The following ATP8B4 variants were observed in gnomAD, a reference collection of about 807,000 sequenced individuals.
ATP8B4 encodes the protein ATPase phospholipid transporting 8B4 (putative).
A neutral mutation model predicts 145.6 loss-of-function variants in ATP8B4; 133 were observed. The ratio of observed to expected loss-of-function variants is 0.91; its 90% CI spans 0.79 to 1.05. ATP8B4 has a LOEUF of 1.05. Among genes scored for constraint, ATP8B4 ranks in the 50% least tolerant of loss-of-function variants. The pLI is 0.00. For missense variants in ATP8B4, 1,458 were observed against 1,425.2 expected (o/e 1.02, Z -0.37); for synonymous variants, 507 against 492.9 (o/e 1.03, Z -0.38).
At chr15:50,053,727 G>A (rs1228869915) in intron 3 of ATP8B4, among the ~76,000 whole-genome samples, 1 of 152,054 alleles carries the variant, frequency 6.6e-6, no homozygotes, top group Non-Finnish European at 1.5e-5. Flanking sequence ...GGGGGGTGGG[G>A]TGAAGGTGGG....
chr15:49,983,104 A>G (rs2046298554), intron 10 of ATP8B4, among the ~76,000 whole-genome samples: 1 of 152,088 alleles, frequency 6.6e-6, no homozygotes, highest in Admixed American at 6.6e-5. Context: ...TACTCAATCT[A>G]CCTTCCCTGA....
intron 17 of ATP8B4, chr15:49,922,303 T>A (rs1367592540): frequency 2.9e-6 from 1 of 349,662 alleles, no homozygotes; most frequent in Admixed American, 4.2e-5. Flanking sequence ...GGAGAATGTA[T>A]GAAAAACCAG....
At chr15:50,006,051 T>G (rs1484757440) in intron 7 of ATP8B4, among the ~76,000 whole-genome samples, 1 of 152,136 alleles carries the variant, frequency 6.6e-6, no homozygotes, top group Non-Finnish European at 1.5e-5. Flanking sequence ...AAAATGAGAA[T>G]GAGATCCTAA....
chr15:50,133,772 T>C (rs537176794), intron 1 of ATP8B4, among the ~76,000 whole-genome samples: 4 of 152,238 alleles, frequency 2.6e-5, no homozygotes, highest in African/African-American at 9.6e-5. Flanking sequence ...ATGATGATTA[T>C]AGTTAATAAT....
intron 2 of ATP8B4, among the ~76,000 whole-genome samples, chr15:50,102,173 A>G (rs2056402094): frequency 1.3e-5 from 2 of 152,156 alleles, no homozygotes; most frequent in Non-Finnish European, 2.9e-5. Context: ...CTAAGGTCAC[A>G]TCTCAAGGAA....
intron 1 of ATP8B4, among the ~76,000 whole-genome samples, chr15:50,148,490 G>T (rs1391610957): frequency 6.6e-6 from 1 of 152,126 alleles, no homozygotes; most frequent in Non-Finnish European, 1.5e-5. Context: ...TCATGAATGG[G>T]ATTAAGGCCC....
chr15:50,063,123 A>G (rs2053146006), intron 3 of ATP8B4, among the ~76,000 whole-genome samples: 1 of 152,048 alleles, frequency 6.6e-6, no homozygotes, highest in Admixed American at 6.6e-5. Context: ...TAAGACAGAG[A>G]GCAATATTAC....
intron 8 of ATP8B4, among the ~76,000 whole-genome samples, chr15:50,001,193 T>C (rs11632984): frequency 0.29 from 44,096 of 151,936 alleles, 6,850 homozygotes; most frequent in East Asian, 0.57. Context: ...TCTTATTATC[T>C]CCTTTCTTAT....
intron 25 of ATP8B4, 44 bp downstream of exon 25, chr15:49,876,234 G>A: frequency 6.3e-7 from 1 of 1,595,592 alleles, no homozygotes; most frequent in Non-Finnish European, 8.5e-7. Context: ...AATAGTAAAA[G>A]TTGTAAACCC....
intron 13 of ATP8B4, among the ~76,000 whole-genome samples, chr15:49,967,269 G>C (rs1278831136): frequency 2.0e-5 from 3 of 152,174 alleles, no homozygotes; most frequent in African/African-American, 4.8e-5. Flanking sequence ...CAGAGAATGA[G>C]TTTGACAAAC....
At chr15:50,017,483 T>C (rs2049180493) in intron 6 of ATP8B4, among the ~76,000 whole-genome samples, 1 of 152,182 alleles carries the variant, frequency 6.6e-6, no homozygotes, top group African/African-American at 2.4e-5. Flanking sequence ...ATAATTATCC[T>C]CTTTTTGAAA....
chr15:50,138,171 C>T (rs913087401), intron 1 of ATP8B4, among the ~76,000 whole-genome samples: 1 of 152,144 alleles, frequency 6.6e-6, no homozygotes, highest in Non-Finnish European at 1.5e-5. Flanking sequence ...GTATCAAACA[C>T]CCCATGCATG....
chr15:50,019,508 T>C (rs1272688336), intron 6 of ATP8B4, among the ~76,000 whole-genome samples: 1 of 152,230 alleles, frequency 6.6e-6, no homozygotes, highest in East Asian at 1.9e-4. Flanking sequence ...AACTGTAAAA[T>C]AATATATACA....
At chr15:49,912,428 G>A (rs2039326739) in intron 20 of ATP8B4, among the ~76,000 whole-genome samples, 1 of 152,106 alleles carries the variant, frequency 6.6e-6, no homozygotes, top group Admixed American at 6.5e-5. Flanking sequence ...AGAGGAAATG[G>A]ATAAATTTCT....
chr15:50,108,073 C>T (rs1595578137), intron 1 of ATP8B4, among the ~76,000 whole-genome samples: 1 of 152,084 alleles, frequency 6.6e-6, no homozygotes, highest in African/African-American at 2.4e-5. Context: ...AGGGGTGTCG[C>T]TGCCGGGTGT....
intron 14 of ATP8B4, among the ~76,000 whole-genome samples, chr15:49,960,584 C>G (rs192442991): frequency 6.6e-6 from 1 of 152,100 alleles, no homozygotes; most frequent in Non-Finnish European, 1.5e-5. Flanking sequence ...AAAACATTAA[C>G]TCTATAATGA....
At chr15:49,925,763 G>A (rs2040657066) in intron 16 of ATP8B4, among the ~76,000 whole-genome samples, 1 of 152,028 alleles carries the variant, frequency 6.6e-6, no homozygotes, top group Non-Finnish European at 1.5e-5. Flanking sequence ...CAATTTCATG[G>A]AATCCTGCTT....
At position 49,919,254 on chromosome 15, in the gene ATP8B4, C is replaced by T. The variant is rs952706759; in HGVS notation, c.1924-304G>A. ...GAAGCCATTTGGACTTAAGAACTCC[C>T]CAGCTGCTTCCCCACTTATATCAAC... On this transcript the variant is annotated intron_variant, in intron 18 of 27. Coordinates refer to ENST00000284509, the MANE Select transcript of ATP8B4 (RefSeq NM_024837.4). Among the ~76,000 whole-genome samples, 3 of 152,220 alleles carry T rather than the reference C, an allele frequency of 2.0e-5. No individual in the cohort carries two copies. In the East Asian group the frequency reaches 5.8e-4, roughly 29 times the overall value.
chr15:49,895,454 C>T (rs2037297738), intron 23 of ATP8B4: 1 of 152,048 alleles, frequency 6.6e-6, no homozygotes, highest in South Asian at 2.1e-4. Flanking sequence ...CTGGGACTAA[C>T]AATAGATTCA....
Sources: gnomAD v4.1 joint callset for allele counts (sites outside exome capture counted in the v4.1 genomes callset) on GRCh38, gnomAD v4.1.1 for gene constraint, MANE v1.5 for transcripts, NCBI Gene and HGNC (gene_info 2026-07-23, HGNC 2026-07-21) for gene names.